The following TMEM200A variants were observed in gnomAD, a reference collection of about 807,000 sequenced individuals.
TMEM200A encodes two transmembrane C.
Under a neutral mutation model 24.3 loss-of-function variants are expected in TMEM200A, and 12 were observed. That is an observed-to-expected ratio of 0.49 (90% CI 0.32 to 0.80). The LOEUF (loss-of-function observed/expected upper bound fraction) is 0.80. Among genes scored for constraint, TMEM200A ranks in the 30% least tolerant of loss-of-function variants. The pLI, the probability that TMEM200A is intolerant of heterozygous loss-of-function variation, is 0.04. For missense variants in TMEM200A, 545 were observed against 614.4 expected (o/e 0.89, Z 1.19); for synonymous variants, 224 against 224.4 (o/e 1.00, Z 0.02).
chr6:130,402,720 C>T (rs1250219934), intron 2 of TMEM200A, among the ~76,000 whole-genome samples: 1 of 151,956 alleles, frequency 6.6e-6, no homozygotes, highest in Non-Finnish European at 1.5e-5. Flanking sequence ...TTCTATAAAT[C>T]CTTGGTTTTC....
chr6:130,365,563 C>A (rs879315163), upstream of TMEM200A: 28 of 985,208 alleles, frequency 2.8e-5, no homozygotes, highest in Non-Finnish European at 3.4e-5. Flanking sequence ...GGGAATACTG[C>A]GAGTCGGCTG....
At chr6:130,378,746 C>G (rs1447900674) in intron 1 of TMEM200A, among the ~76,000 whole-genome samples, 2 of 147,326 alleles carry the variant, frequency 1.4e-5, no homozygotes, top group Non-Finnish European at 3.0e-5. Flanking sequence ...AAAAAAAGAT[C>G]TTGAGTAAGA....
At chr6:130,428,709 G>C (rs1229094266) in intron 2 of TMEM200A, among the ~76,000 whole-genome samples, 2 of 152,202 alleles carry the variant, frequency 1.3e-5, no homozygotes, top group Admixed American at 1.3e-4. Context: ...GATACAGTTA[G>C]AAAATAGCAA....
At chr6:130,391,729 T>A (rs457840) in intron 2 of TMEM200A, among the ~76,000 whole-genome samples, 1 of 141,902 alleles carries the variant, frequency 7.0e-6, no homozygotes, top group African/African-American at 2.7e-5. Flanking sequence ...CCTTCAAGAT[T>A]CCTTTTTTTT....
chr6:130,375,073 T>C (rs750921666), intron 1 of TMEM200A, among the ~76,000 whole-genome samples: 6 of 152,204 alleles, frequency 3.9e-5, no homozygotes, highest in Non-Finnish European at 8.8e-5. Flanking sequence ...ACAACTAAAA[T>C]AAAAAATGTT....
chr6:130,431,098 A>C (rs1291334040), intron 2 of TMEM200A, among the ~76,000 whole-genome samples: 7 of 152,200 alleles, frequency 4.6e-5, no homozygotes. Flanking sequence ...GTGTAGACTT[A>C]TGTATATAAG....
chr6:130,394,315 C>A (rs1249857509), intron 2 of TMEM200A, among the ~76,000 whole-genome samples: 1 of 152,198 alleles, frequency 6.6e-6, no homozygotes, highest in Non-Finnish European at 1.5e-5. Flanking sequence ...TGCTGTTTCA[C>A]AACTGTCATA....
intron 2 of TMEM200A, among the ~76,000 whole-genome samples, chr6:130,420,825 C>T (rs757982395): frequency 7.2e-5 from 11 of 151,984 alleles, no homozygotes; most frequent in Non-Finnish European, 1.0e-4. Context: ...GTGCAGGGCC[C>T]GCTGAAATCC....
chr6:130,431,400 T>C (rs1779871162), intron 2 of TMEM200A, among the ~76,000 whole-genome samples: 1 of 152,178 alleles, frequency 6.6e-6, no homozygotes, highest in Non-Finnish European at 1.5e-5. Flanking sequence ...CTTGGCTAAT[T>C]TCCCGTGTCT....
At chr6:130,409,884 G>A (rs1280365118) in intron 2 of TMEM200A, among the ~76,000 whole-genome samples, 1 of 151,390 alleles carries the variant, frequency 6.6e-6, no homozygotes, top group Non-Finnish European at 1.5e-5. Flanking sequence ...TAAAAACAAT[G>A]AATCACGTTC....
In TMEM200A at chr6:130,366,635, C is replaced by G; in HGVS notation, c.-81+111C>G. 1.1e-6 allele frequency: 1 copy of G among 911,634 alleles called. No individual in the cohort carries two copies. Among genetic ancestry groups the G allele is most frequent in the East Asian group, 1.2e-4 (1 of 8,372 alleles). The allele number at this position is 911,634 out of a possible 1,614,324, so 56.5% of individuals were successfully genotyped here. A position where few individuals can be genotyped will look rare whatever the true frequency, so the allele number is the denominator to read the frequency against. The stretch of plus-strand genomic sequence containing the variant: ...TGCCCTCCCCTCCCCTCCGCTACAG[C>G]CTCCAGAGTTAGGTAAACGCTGTCT... On this transcript the variant is annotated intron_variant, in intron 1 of 2. Coordinates refer to ENST00000296978, the MANE Select transcript of TMEM200A (RefSeq NM_001258277.2). The surrounding 1 kb of genome is among the most constrained non-coding windows in gnomAD (Gnocchi z 4.4).
chr6:130,414,174 G>A (rs1410108185), intron 2 of TMEM200A, among the ~76,000 whole-genome samples: 1 of 152,046 alleles, frequency 6.6e-6, no homozygotes, highest in African/African-American at 2.4e-5. Context: ...GCTCACACCT[G>A]TAATCCCAGC....
At chr6:130,428,012 T>A (rs996259630) in intron 2 of TMEM200A, among the ~76,000 whole-genome samples, 1 of 152,162 alleles carries the variant, frequency 6.6e-6, no homozygotes, top group Admixed American at 6.5e-5. Flanking sequence ...TAGAAAGTGG[T>A]AGGGTGTATG....
intron 1 of TMEM200A, among the ~76,000 whole-genome samples, chr6:130,375,361 T>C (rs1778428915): frequency 6.6e-6 from 1 of 152,172 alleles, no homozygotes; most frequent in Non-Finnish European, 1.5e-5. Context: ...ATAAAATCTC[T>C]TATAACATGC....
At chr6:130,418,088 C>A (rs1779500226) in intron 2 of TMEM200A, among the ~76,000 whole-genome samples, 1 of 152,140 alleles carries the variant, frequency 6.6e-6, no homozygotes. Flanking sequence ...AGCACACTAA[C>A]CACATTCACC....
At chr6:130,401,431 C>T (rs111522896) in intron 2 of TMEM200A, among the ~76,000 whole-genome samples, 3 of 82,196 alleles carry the variant, frequency 3.6e-5, no homozygotes, top group African/African-American at 1.4e-4. Context: ...CTTTCTTTCT[C>T]TCTTTCCTTC....
chr6:130,392,666 C>G (rs1778862606), intron 2 of TMEM200A, among the ~76,000 whole-genome samples: 1 of 152,046 alleles, frequency 6.6e-6, no homozygotes, highest in Non-Finnish European at 1.5e-5. Flanking sequence ...TCCTCTTTTT[C>G]TTCTCTTTTC....
At chr6:130,425,523 A>AAAT (rs1779711909) in intron 2 of TMEM200A, among the ~76,000 whole-genome samples, 1 of 152,196 alleles carries the variant, frequency 6.6e-6, no homozygotes, top group African/African-American at 2.4e-5. Flanking sequence ...GACACACCAT[A>AAAT]AATATATTAA....
intron 2 of TMEM200A, among the ~76,000 whole-genome samples, chr6:130,434,932 G>T (rs959554208): frequency 6.6e-6 from 1 of 152,052 alleles, no homozygotes; most frequent in African/African-American, 2.4e-5. Context: ...GAAAGGCCTG[G>T]AGATAGCCCA....
Sources: allele counts gnomAD v4.1 joint callset (sites outside exome capture counted in the v4.1 genomes callset), GRCh38; gene constraint gnomAD v4.1.1; non-coding constraint Gnocchi (gnomAD v3.1); transcripts MANE v1.5; gene names NCBI Gene and HGNC (gene_info 2026-07-23, HGNC 2026-07-21).